GYS2: variants seen among roughly 807,000 people sequenced by gnomAD.
GYS2 encodes glycogen [starch] synthase, liver.
Under a neutral mutation model 85.6 loss-of-function variants are expected in GYS2, and 80 were observed. That is an observed-to-expected ratio of 0.93 (90% CI 0.78 to 1.13). The LOEUF (loss-of-function observed/expected upper bound fraction) is 1.13. Ranked by LOEUF, GYS2 falls within the 50% of genes most tolerant of loss-of-function variation. The pLI, the probability that GYS2 is intolerant of heterozygous loss-of-function variation, is 0.00. For synonymous variants in GYS2, 328 were observed against 300.7 expected, an observed-to-expected ratio of 1.09 and a Z score of -0.94; for missense variants, 881 against 854.9, an observed-to-expected ratio of 1.03 and a Z score of -0.38.
At chr12:21,576,159 C>A in intron 2 of GYS2, 102 bp from the exon 3 acceptor site, 1 of 877,276 alleles carries the variant, frequency 1.1e-6, no homozygotes. Flanking sequence ...TACTCAATAG[C>A]AAATTAAACA....
In GYS2 at chr12:21,580,033, C is replaced by G. The variant is rs564095954; in HGVS notation, c.303+309G>C. 2.6e-5 allele frequency among the ~76,000 whole-genome samples: 4 copies of G among 152,290 alleles called. No homozygotes were observed. The South Asian group carries it at 8.3e-4, about 32-fold the overall frequency. On this transcript the variant is annotated intron_variant, in intron 2 of 15. Transcript: ENST00000261195. The stretch of plus-strand genomic sequence containing the variant: ...AAGGTTTGGTTGAAAACCTTTACTC[C>G]AAGTCTAAACATTTCCACTGAATAA...
chr12:21,584,219 T>G (rs1389383063), intron 1 of GYS2, among the ~76,000 whole-genome samples: 2 of 152,202 alleles, frequency 1.3e-5, no homozygotes, highest in African/African-American at 4.8e-5. Flanking sequence ...GATTATATAC[T>G]TATTCATGGG....
chr12:21,552,885 CT>C (rs1307403761), intron 11 of GYS2, among the ~76,000 whole-genome samples: 1 of 152,176 alleles, frequency 6.6e-6, no homozygotes, highest in Non-Finnish European at 1.5e-5. Flanking sequence ...TTACCAAATC[CT>C]GCAGGAGAAG....
In GYS2 at chr12:21,604,732, A is replaced by T. The variant is rs995735887; in HGVS notation, c.-140T>A. ...TAGCTTCTCTTGGGAATAAACTAGTAGCATGAAATCTTATGTGCTTCCCAC... is the reference window on the plus strand; with the variant it reads ...TAGCTTCTCTTGGGAATAAACTAGTTGCATGAAATCTTATGTGCTTCCCAC... On this transcript the variant is annotated 5_prime_UTR_variant, in exon 1 of 16. Coordinates refer to ENST00000261195, the MANE Select transcript of GYS2 (RefSeq NM_021957.4). 6.7e-7 allele frequency: 1 copy of T among 1,500,212 alleles called. No individual in the cohort carries two copies. Among genetic ancestry groups the T allele is most frequent in the Non-Finnish European group, 8.9e-7 (1 of 1,119,904 alleles). The allele number at this position is 1,500,212 out of a possible 1,614,324, so 92.9% of individuals were successfully genotyped here.
intron 8 of GYS2, among the ~76,000 whole-genome samples, chr12:21,559,957 G>A (rs946897274): frequency 6.6e-6 from 1 of 152,154 alleles, no homozygotes; most frequent in African/African-American, 2.4e-5. Flanking sequence ...GCTTCATGAT[G>A]ATTGGAACAG....
chr12:21,593,990 G>A lies in GYS2; in HGVS notation c.121+10482C>T, dbSNP rs1188586151. Among the ~76,000 whole-genome samples, 3 of 151,882 alleles carry A rather than the reference G, an allele frequency of 2.0e-5. No homozygotes were observed. In the East Asian group the frequency reaches 5.8e-4, roughly 29 times the overall value. ...ATGTGATACATCACATCAACAAAAA[G>A]AACAAAAACCATATGATCATCTCAA... is the stretch of plus-strand genomic sequence containing the variant. On this transcript the variant is annotated intron_variant, in intron 1 of 15. Coordinates refer to ENST00000261195, the MANE Select transcript of GYS2 (RefSeq NM_021957.4).
intron 10 of GYS2, among the ~76,000 whole-genome samples, chr12:21,558,598 G>T (rs934418577): frequency 6.6e-6 from 1 of 152,118 alleles, no homozygotes; most frequent in Non-Finnish European, 1.5e-5. Context: ...GAATATAAAG[G>T]TGTCCTGAAG....
intron 1 of GYS2, among the ~76,000 whole-genome samples, chr12:21,591,170 A>G (rs1944634567): frequency 6.6e-6 from 1 of 152,138 alleles, no homozygotes; most frequent in African/African-American, 2.4e-5. Flanking sequence ...ATTCTGGAAA[A>G]AAGAATCCAA....
intron 11 of GYS2, among the ~76,000 whole-genome samples, chr12:21,554,898 A>T (rs1179165009): frequency 6.6e-6 from 1 of 152,216 alleles, no homozygotes; most frequent in Non-Finnish European, 1.5e-5. Context: ...TTCTTCATTT[A>T]GAACGTCCAA....
Position 21,568,941 on chromosome 12 carries a change from A to C in GYS2, c.747T>G (p.Val249=). 1 of 1,613,716 alleles carries C rather than the reference A, an allele frequency of 6.2e-7. No individual in the cohort carries two copies. Among genetic ancestry groups the C allele is most frequent in the Non-Finnish European group, 8.5e-7 (1 of 1,179,568 alleles). ...YHRYCMERAS[V]HCAHVFTTVS... ...CCGTGGTGAACACGTGAGCGCAATGAACGGAAGCTCGCTCCATGCAGTACC... is the reference window on the plus strand; with the variant it reads ...CCGTGGTGAACACGTGAGCGCAATGCACGGAAGCTCGCTCCATGCAGTACC... Residue 249 remains valine (V), a synonymous_variant, in exon 5 of 16, where the codon GTT becomes GTG. Coordinates refer to ENST00000261195, the MANE Select transcript of GYS2 (RefSeq NM_021957.4).
intron 1 of GYS2, among the ~76,000 whole-genome samples, chr12:21,582,878 G>A (rs1944528533): frequency 6.6e-6 from 1 of 152,148 alleles, no homozygotes; most frequent in Admixed American, 6.5e-5. Context: ...AAATGCATTT[G>A]ACACTCTTGA....
At chr12:21,602,786 A>G (rs1944768637) in intron 1 of GYS2, among the ~76,000 whole-genome samples, 1 of 152,054 alleles carries the variant, frequency 6.6e-6, no homozygotes, top group Non-Finnish European at 1.5e-5. Flanking sequence ...AGATCCATAA[A>G]ATAACTTAGT....
At chr12:21,547,682 A>G (rs1944058263) in intron 11 of GYS2, among the ~76,000 whole-genome samples, 1 of 152,164 alleles carries the variant, frequency 6.6e-6, no homozygotes, top group Non-Finnish European at 1.5e-5. Context: ...TCTGTATCAT[A>G]CTATGATGAT....
In GYS2 at chr12:21,540,529, A is replaced by C; in HGVS notation, c.1690T>G (p.Cys564Gly). The change falls in exon 14 of 16, where the codon TGC becomes GGC. Residue 564 changes from cysteine (C) to glycine (G), a missense_variant. Cys to Gly is a radical substitution (Grantham distance 159, BLOSUM62 -3). Coordinates refer to ENST00000261195, the MANE Select transcript of GYS2 (RefSeq NM_021957.4). Reference sequence around the variant, plus strand: ...TAGAGAAACTTAGTCAGCTGATTGCAAGAATCATCTGGAGAACGGAACCGC... The same window carrying C: ...TAGAGAAACTTAGTCAGCTGATTGCCAGAATCATCTGGAGAACGGAACCGC... ...DRRFRSPDDS[C>G]NQLTKFLYGF... The C allele has an allele frequency of 6.2e-7, 1 of 1,613,692 alleles. No homozygotes were observed. Among genetic ancestry groups the C allele is most frequent in the Non-Finnish European group, 8.5e-7 (1 of 1,179,574 alleles).
chr12:21,597,139 G>A (rs1320348618), intron 1 of GYS2, among the ~76,000 whole-genome samples: 1 of 151,992 alleles, frequency 6.6e-6, no homozygotes, highest in Non-Finnish European at 1.5e-5. Flanking sequence ...TTCAAGACAT[G>A]GCTTTGGGCA....
In GYS2 at chr12:21,536,801, TGTC is replaced by T; in HGVS notation, c.*150_*152del. 3.1e-6 allele frequency: 2 copies of T among 647,062 alleles called. No individual in the cohort carries two copies. Among genetic ancestry groups the T allele is most frequent in the Non-Finnish European group, 5.4e-6 (2 of 367,542 alleles). 40.1% of individuals were successfully genotyped at this position (647,062 alleles called of 1,614,324 possible). On this transcript the variant is annotated 3_prime_UTR_variant, in exon 16 of 16. Transcript: ENST00000261195. The stretch of plus-strand genomic sequence containing the variant: ...TGGATCTTATCCTAAATTACAAAAT[TGTC>T]ATTCACTCAATTTCTTCCACTTTTT...
chr12:21,554,175 GAAGGAAAA>G (rs1944148793), intron 11 of GYS2, among the ~76,000 whole-genome samples: 2 of 117,504 alleles, frequency 1.7e-5, no homozygotes, highest in African/African-American at 5.9e-5. Flanking sequence ...AGGAAGGAGG[GAAGGAAAA>G]AAGGAAGTGA....
chr12:21,561,300 A>G (rs1036016905), intron 7 of GYS2, among the ~76,000 whole-genome samples: 2 of 152,246 alleles, frequency 1.3e-5, no homozygotes, highest in African/African-American at 4.8e-5. Context: ...AAGAAGCTGT[A>G]AGAATGAAAG....
At position 21,574,337 on chromosome 12, in the gene GYS2, A is replaced by G. The variant is rs750126741; in HGVS notation, c.496-11T>C. On this transcript the variant is annotated splice_polypyrimidine_tract_variant and intron_variant, in intron 3 of 15. Transcript: ENST00000261195. ...TGCATGATCTGTCACCTACATTAGG[A>G]AAAAAAAAGCATTCAGAAAAGTTGT... 45 of 1,580,444 alleles carry G rather than the reference A, an allele frequency of 2.8e-5. No individual in the cohort carries two copies. Among genetic ancestry groups the G allele is most frequent in the African/African-American group, 4.1e-5 (3 of 74,026 alleles).
Sources: allele counts gnomAD v4.1 joint callset (sites outside exome capture counted in the v4.1 genomes callset), GRCh38; gene constraint gnomAD v4.1.1; transcripts MANE v1.5; gene names NCBI Gene and HGNC (gene_info 2026-07-23, HGNC 2026-07-21).